The following GPC6 variants were observed in gnomAD, a reference collection of about 807,000 sequenced individuals.
The protein encoded by GPC6 is glypican 6.
Under a neutral mutation model 55.2 loss-of-function variants are expected in GPC6, and 14 were observed. The ratio of observed to expected loss-of-function variants is 0.25; its 90% CI spans 0.17 to 0.40. The LOEUF (loss-of-function observed/expected upper bound fraction) is 0.40, where lower values mean the gene tolerates loss of function less well. Ranked by LOEUF, GPC6 falls within the 10% of genes least tolerant of loss-of-function variation. The pLI, the probability that GPC6 is intolerant of heterozygous loss-of-function variation, is 1.00. For synonymous variants in GPC6, 278 were observed against 259.6 expected, an observed-to-expected ratio of 1.07 and a Z score of -0.68; for missense variants, 641 against 708.5, an observed-to-expected ratio of 0.90 and a Z score of 1.08.
intron 4 of GPC6, among the ~76,000 whole-genome samples, chr13:94,284,886 C>T (rs1161274618): frequency 6.7e-6 from 1 of 150,014 alleles, no homozygotes; most frequent in African/African-American, 2.4e-5. Context: ...AAACACATAA[C>T]ATGAAATCTA....
chr13:93,944,302 C>A (rs1878890564), intron 3 of GPC6, among the ~76,000 whole-genome samples: 1 of 152,064 alleles, frequency 6.6e-6, no homozygotes. Context: ...CTCCCAGGTT[C>A]ACGCCATTCT....
intron 2 of GPC6, among the ~76,000 whole-genome samples, chr13:93,577,936 C>G (rs1285406204): frequency 6.6e-6 from 1 of 152,000 alleles, no homozygotes; most frequent in East Asian, 1.9e-4. Flanking sequence ...TGAATTTTAT[C>G]TAATACTTTT....
At chr13:93,818,993 T>C (rs994457102) in intron 2 of GPC6, among the ~76,000 whole-genome samples, 2 of 152,084 alleles carry the variant, frequency 1.3e-5, no homozygotes, top group Non-Finnish European at 1.5e-5. Flanking sequence ...GAGATCAGTA[T>C]ACAAGATATA....
At chr13:94,393,428 T>C (rs75401416) in intron 7 of GPC6, among the ~76,000 whole-genome samples, 13 of 152,202 alleles carry the variant, frequency 8.5e-5, no homozygotes, top group Admixed American at 7.2e-4. Flanking sequence ...GCACTGCACA[T>C]AGGGATTTAC....
intron 4 of GPC6, among the ~76,000 whole-genome samples, chr13:94,128,913 A>G (rs1886916386): frequency 6.6e-6 from 1 of 152,046 alleles, no homozygotes; most frequent in Admixed American, 6.6e-5. Context: ...ACTTTTTTCC[A>G]CACCCACGTT....
chr13:93,307,685 C>A (rs1365156508), intron 1 of GPC6, among the ~76,000 whole-genome samples: 1 of 152,006 alleles, frequency 6.6e-6, no homozygotes, highest in Non-Finnish European at 1.5e-5. Flanking sequence ...ACTCTTTGAT[C>A]AATTACTGAG....
At chr13:93,516,735 G>A (rs1358502505) in intron 1 of GPC6, among the ~76,000 whole-genome samples, 4 of 150,860 alleles carry the variant, frequency 2.7e-5, no homozygotes, top group Non-Finnish European at 5.9e-5. Context: ...TGCTCTGTGA[G>A]CAACAGGTGT....
chr13:93,448,399 G>C (rs1878091887), intron 1 of GPC6, among the ~76,000 whole-genome samples: 1 of 152,106 alleles, frequency 6.6e-6, no homozygotes, highest in African/African-American at 2.4e-5. Context: ...CACTCTATGA[G>C]GTTTGCACAG....
In GPC6 at chr13:94,382,416, C is replaced by G. The variant is rs1398745663; in HGVS notation, c.1155C>G (p.Val385=). The change falls in exon 7 of 9, where the codon GTC becomes GTG. Residue 385 remains valine, a splice_region_variant and synonymous_variant. Coordinates refer to ENST00000377047, the MANE Select transcript of GPC6 (RefSeq NM_005708.5). ...TAAGTSLDRL[V]TDIKEKLKLS... is the part of the protein sequence containing the mutation. ...GCTTTCCTTGGTTTCTTGATCAGGTCACAGACATAAAAGAGAAATTGAAGC... is the reference window on the plus strand; with the variant it reads ...GCTTTCCTTGGTTTCTTGATCAGGTGACAGACATAAAAGAGAAATTGAAGC... 2 of 1,613,916 alleles carry G rather than the reference C, an allele frequency of 1.2e-6. No homozygotes were observed. The highest frequency in any genetic ancestry group is 2.2e-5 in the South Asian group (2 of 91,060).
intron 4 of GPC6, among the ~76,000 whole-genome samples, chr13:94,071,387 A>G (rs1403931382): frequency 6.6e-6 from 1 of 152,202 alleles, no homozygotes; most frequent in East Asian, 1.9e-4. Flanking sequence ...GGATTTAACT[A>G]ATCCAAATTG....
At chr13:94,198,408 C>T (rs73547973) in intron 4 of GPC6, among the ~76,000 whole-genome samples, 3,024 of 152,144 alleles carry the variant, frequency 0.02, 48 homozygotes, top group African/African-American at 0.036. Flanking sequence ...TCCTAAGAAA[C>T]GAACTAGGAA....
chr13:93,557,736 A>G (rs1222171978), intron 2 of GPC6, among the ~76,000 whole-genome samples: 1 of 152,230 alleles, frequency 6.6e-6, no homozygotes, highest in Non-Finnish European at 1.5e-5. Context: ...TGTCTGGCGC[A>G]TAGAACTCCA....
At chr13:93,800,766 G>C (rs1886343349) in intron 2 of GPC6, among the ~76,000 whole-genome samples, 1 of 152,118 alleles carries the variant, frequency 6.6e-6, no homozygotes, top group Admixed American at 6.6e-5. Context: ...TTCAAAATGT[G>C]CACTAAAAAT....
intron 4 of GPC6, among the ~76,000 whole-genome samples, chr13:94,031,407 C>A (rs980361406): frequency 3.3e-5 from 5 of 152,096 alleles, no homozygotes; most frequent in African/African-American, 1.2e-4. Flanking sequence ...GTATGGGGTT[C>A]CCCAGGATAA....
intron 6 of GPC6, among the ~76,000 whole-genome samples, chr13:94,332,333 T>C (rs1877468857): frequency 6.6e-6 from 1 of 152,138 alleles, no homozygotes. Context: ...CTTATTCAAA[T>C]GGTGCTCCTA....
chr13:93,931,508 A>G (rs1878173971), intron 3 of GPC6, among the ~76,000 whole-genome samples: 1 of 152,026 alleles, frequency 6.6e-6, no homozygotes, highest in Middle Eastern at 3.5e-3. Context: ...TCACGCATGT[A>G]ATCCCAGCAC....
At chr13:94,268,559 G>A (rs957571739) in intron 4 of GPC6, among the ~76,000 whole-genome samples, 11 of 152,286 alleles carry the variant, frequency 7.2e-5, no homozygotes, top group African/African-American at 2.4e-4. Flanking sequence ...TTGAAAGCAG[G>A]TGAGGACACA....
intron 1 of GPC6, among the ~76,000 whole-genome samples, chr13:93,311,997 A>C (rs1045452220): frequency 1.3e-5 from 2 of 152,194 alleles, no homozygotes; most frequent in African/African-American, 4.8e-5. Context: ...GAATAACTCA[A>C]AAAAGTTATG....
chr13:93,928,978 A>G (rs527931700), intron 3 of GPC6, among the ~76,000 whole-genome samples: 49 of 152,194 alleles, frequency 3.2e-4, no homozygotes, highest in African/African-American at 1.1e-3. Flanking sequence ...ATGTGTTTCC[A>G]CCTTATCCTG....
Sources: allele counts gnomAD v4.1 joint callset (sites outside exome capture counted in the v4.1 genomes callset), GRCh38; gene constraint gnomAD v4.1.1; transcripts MANE v1.5; gene names NCBI Gene and HGNC (gene_info 2026-07-23, HGNC 2026-07-21).